Variants in PHKA1 observed in about 807,000 individuals in gnomAD.
PHKA1 encodes phosphorylase kinase regulatory subunit alpha 1.
PHKA1 carries 60 observed loss-of-function variants against 110.2 expected under a neutral mutation model. The observed-to-expected ratio is 0.54, with a 90% CI of 0.44 to 0.68. PHKA1 has a LOEUF of 0.68. PHKA1 is among the 30% of genes least tolerant of loss of function. PHKA1 has a pLI of 0.00. For missense variants in PHKA1, 801 were observed against 942.5 expected (o/e 0.85, Z 1.97); for synonymous variants, 316 against 333.6 (o/e 0.95, Z 0.58).
Position 72,712,816 on chromosome X carries a change from C to T in PHKA1, c.200G>A (p.Arg67Gln), listed in dbSNP as rs782460017. Residue 67 changes from arginine to glutamine, a missense_variant, in exon 2 of 32, where the codon CGG (arginine) becomes CAG (glutamine). By Grantham distance (43) the Arg-to-Gln change is conservative. This residue lies in a region of PHKA1 where 299 missense variants were observed against 423.3 expected (regional missense o/e 0.71). Transcript: ENST00000373542. ...LGLAYRKNAD[R>Q]DEDKAKAYEL... ...ATAGGCCTTTGCCTTATCCTCATCC[C>T]GGTCTGCATTCTTCCGATAGGCCAG... The T allele has an allele frequency of 8.3e-6, 10 of 1,207,907 alleles. No individual in the cohort carries two copies. In the East Asian group the frequency reaches 8.9e-5, roughly 11 times the overall value.
intron 15 of PHKA1, among the ~76,000 whole-genome samples, chrX:72,635,512 A>T (rs2053220109): frequency 9.0e-6 from 1 of 111,637 alleles, no homozygotes; most frequent in African/African-American, 3.3e-5. Flanking sequence ...TTTACGAAGT[A>T]TTTTTAAGTA....
At chrX:72,627,315 T>C (rs1053179854) in intron 16 of PHKA1, among the ~76,000 whole-genome samples, 2 of 112,304 alleles carry the variant, frequency 1.8e-5, no homozygotes, top group Non-Finnish European at 3.8e-5. Context: ...CTTAGCACAG[T>C]GTCTGATGGC....
At chrX:72,671,372 C>G (rs1556309038) in intron 6 of PHKA1, among the ~76,000 whole-genome samples, 1 of 110,872 alleles carries the variant, frequency 9.0e-6, no homozygotes, top group Non-Finnish European at 1.9e-5. Flanking sequence ...AGGAATCCAA[C>G]TTACAAGGGA....
chrX:72,589,099 C>T (rs1470132369), intron 29 of PHKA1, among the ~76,000 whole-genome samples: 1 of 111,626 alleles, frequency 9.0e-6, no homozygotes, highest in African/African-American at 3.3e-5. Context: ...CAGCCTGATA[C>T]CAAAGCCTGG....
chrX:72,643,179 T>G (rs2053318040), intron 14 of PHKA1, among the ~76,000 whole-genome samples: 1 of 110,905 alleles, frequency 9.0e-6, no homozygotes, highest in African/African-American at 3.3e-5. Flanking sequence ...GGTTTTAAGC[T>G]GGGAATACTT....
At chrX:72,654,797 A>AT (rs141785619) in intron 10 of PHKA1, among the ~76,000 whole-genome samples, 3,688 of 93,684 alleles carry the variant, frequency 0.039, 90 homozygotes, top group African/African-American at 0.048. Flanking sequence ...TAGCATGGTG[A>AT]TTTTTTTTTT....
intron 21 of PHKA1, among the ~76,000 whole-genome samples, chrX:72,613,067 T>A (rs1336077232): frequency 9.0e-6 from 1 of 111,254 alleles, no homozygotes; most frequent in African/African-American, 3.3e-5. Context: ...CAGAAATTGT[T>A]GACCAAAACT....
At chrX:72,673,313 G>C (rs1427793159) in intron 6 of PHKA1, among the ~76,000 whole-genome samples, 2 of 111,881 alleles carry the variant, frequency 1.8e-5, no homozygotes, top group Non-Finnish European at 3.8e-5. Flanking sequence ...TTGTGTGTTT[G>C]TGTGTTTGTT....
chrX:72,652,885 G>A lies in PHKA1; in HGVS notation c.1138-234C>T, dbSNP rs1415998103. ...TTCTGATTGAGTGGGTATGAGGTAG[G>A]GCCTGAAATCTATTTCTAACAAGCT... is the stretch of plus-strand genomic sequence containing the variant. On this transcript the variant is annotated intron_variant, in intron 11 of 31. Coordinates refer to ENST00000373542, the MANE Select transcript of PHKA1 (RefSeq NM_002637.4). Among the ~76,000 whole-genome samples the A allele has an allele frequency of 1.2e-4, 13 of 111,001 alleles. No homozygotes were observed. The Admixed American group carries it at 1.2e-3, about 11-fold the overall frequency.
chrX:72,653,900 T>C (rs1387536453), intron 10 of PHKA1, among the ~76,000 whole-genome samples: 2 of 111,270 alleles, frequency 1.8e-5, no homozygotes, highest in Non-Finnish European at 3.8e-5. Context: ...ATATCTTAAG[T>C]ATAGCTTCTA....
At chrX:72,610,973 A>C (rs958111721) in intron 22 of PHKA1, 55 bp downstream of exon 22, 1 of 1,032,417 alleles carries the variant, frequency 9.7e-7, no homozygotes, top group African/African-American at 1.9e-5. Flanking sequence ...ATAGAAACCA[A>C]TTTTTAAAAA....
intron 4 of PHKA1, 94 bp downstream of exon 4, chrX:72,695,614 C>T (rs989609525): frequency 1.1e-6 from 1 of 879,457 alleles, no homozygotes; most frequent in Non-Finnish European, 1.7e-6. Flanking sequence ...TGAAGATCTA[C>T]CCCAGCCTTC....
chrX:72,646,824 G>C (rs976982487), intron 13 of PHKA1, among the ~76,000 whole-genome samples: 1 of 111,149 alleles, frequency 9.0e-6, no homozygotes, highest in Non-Finnish European at 1.9e-5. Context: ...GTAAGACAGA[G>C]AGACCAGCTA....
At position 72,578,914 on chromosome X, in the gene PHKA1, G is replaced by C. The variant is rs1449373624; in HGVS notation, c.*2088C>G. 6 of 111,956 alleles carry C rather than the reference G, an allele frequency of 5.4e-5. No homozygotes were observed. Among genetic ancestry groups the C allele is most frequent in the Non-Finnish European group, 9.4e-5 (5 of 53,205 alleles). 9.2% of individuals were successfully genotyped at this position (111,956 alleles called of 1,213,427 possible). A position where few individuals can be genotyped will look rare whatever the true frequency, so the allele number is the denominator to read the frequency against. ...TGCTTTTTTAAAAAAAGTCTAACAT[G>C]TCTTTTTAGTACCACACACTTAAAA... On this transcript the variant is annotated 3_prime_UTR_variant, in exon 32 of 32. Coordinates refer to ENST00000373542, the MANE Select transcript of PHKA1 (RefSeq NM_002637.4).
chrX:72,712,930 A>G lies in PHKA1; in HGVS notation c.86T>C (p.Val29Ala), dbSNP rs2054404929. ...QQTILCHQNPVTGLLPASYDQ... is the reference protein window; with the variant it reads ...QQTILCHQNPATGLLPASYDQ... ...ATAGCTGGCTGGAAGCAAGCCAGTC[A>G]CTGGATTCTGCAAGGTCAAGAAAAA... The change falls in exon 2 of 32, where the codon GTG becomes GCG. Residue 29 changes from valine (V) to alanine (A), a missense_variant. Physicochemically the swap from Val to Ala is moderately conservative, Grantham distance 64. Transcript: ENST00000373542. 8.3e-7 allele frequency: 1 copy of G among 1,209,569 alleles called. No homozygotes were observed. Among genetic ancestry groups the G allele is most frequent in the Admixed American group, 2.2e-5 (1 of 45,757 alleles).
intron 5 of PHKA1, among the ~76,000 whole-genome samples, chrX:72,678,778 C>T (rs1414564573): frequency 1.8e-5 from 2 of 112,249 alleles, no homozygotes; most frequent in African/African-American, 3.2e-5. Context: ...GAACACTACA[C>T]AATGAAGGAC....
chrX:72,593,393 G>A (rs782146072), intron 28 of PHKA1, 119 bp from the exon 29 acceptor site: 8 of 527,574 alleles, frequency 1.5e-5, no homozygotes, highest in Admixed American at 1.2e-4. Context: ...CTGGAGTGCA[G>A]TGGCGTGGCG....
chrX:72,662,753 C>T (rs781837677), intron 8 of PHKA1, among the ~76,000 whole-genome samples: 18 of 111,826 alleles, frequency 1.6e-4, no homozygotes, highest in Non-Finnish European at 2.8e-4. Context: ...ACAACTCCTG[C>T]AGCCTAGGCC....
intron 1 of PHKA1, 75 bp from the exon 2 acceptor site, chrX:72,713,012 G>GT: frequency 1.9e-6 from 2 of 1,048,011 alleles, no homozygotes; most frequent in South Asian, 2.0e-5. Context: ...TTCCAAATGG[G>GT]TTTTTTAGGG....
Sources: gnomAD v4.1 joint callset for allele counts (sites outside exome capture counted in the v4.1 genomes callset) on GRCh38, gnomAD v4.1.1 for gene constraint, gnomAD v4.1.1 regional missense constraint, MANE v1.5 for transcripts, NCBI Gene and HGNC (gene_info 2026-07-23, HGNC 2026-07-21) for gene names.